NLGN4Y: variants seen among roughly 807,000 people sequenced by gnomAD.
NLGN4Y encodes the protein neuroligin-4, Y-linked.
A neutral mutation model predicts 8.4 loss-of-function variants in NLGN4Y; 4 were observed. The ratio of observed to expected loss-of-function variants is 0.48; its 90% CI spans 0.23 to 1.09. The LOEUF is 1.09. NLGN4Y is among the 50% of genes least tolerant of loss of function. The probability of loss-of-function intolerance (pLI) is 0.19; values close to 1 mark genes in which losing one functional copy is unlikely to be tolerated. For missense variants in NLGN4Y, 90 were observed against 192.3 expected (o/e 0.47, Z 3.15); for synonymous variants, 35 against 75.6 (o/e 0.46, Z 2.78).
At chrY:14,617,432 A>G (rs756413878) in intron 1 of NLGN4Y, among the ~76,000 whole-genome samples, 1 of 29,322 alleles carries the variant, frequency 3.4e-5, no homozygotes, top group Non-Finnish European at 8.0e-5. Context: ...GAGTATCACT[A>G]GGAGAGGCTG....
chrY:14,619,520 C>T, intron 1 of NLGN4Y, among the ~76,000 whole-genome samples: 1 of 33,847 alleles, frequency 3.0e-5, no homozygotes, highest in Admixed American at 2.7e-4. Context: ...AGGACTGTAG[C>T]GAACATGTCA....
intron 1 of NLGN4Y, among the ~76,000 whole-genome samples, chrY:14,527,490 C>A (rs2080097515): frequency 5.9e-5 from 2 of 33,691 alleles, no homozygotes; most frequent in Admixed American, 5.4e-4. Flanking sequence ...GTATTCTATT[C>A]CTAAATGGGA....
At chrY:14,612,984 G>T (rs886312208) in intron 1 of NLGN4Y, among the ~76,000 whole-genome samples, 11 of 33,021 alleles carry the variant, frequency 3.3e-4, no homozygotes, top group African/African-American at 1.3e-3. Context: ...TTTCAGAGAT[G>T]CCCTGCCCAG....
intron 2 of NLGN4Y, among the ~76,000 whole-genome samples, chrY:14,641,704 T>C (rs2080591534): frequency 3.0e-5 from 1 of 33,825 alleles, no homozygotes; most frequent in African/African-American, 1.2e-4. Flanking sequence ...TCTGCATTTC[T>C]GGTTCCTAAA....
At chrY:14,801,288 C>T in intron 4 of NLGN4Y, 1 of 31,841 alleles carries the variant, frequency 3.1e-5, no homozygotes, top group East Asian at 8.1e-4. Context: ...TTCTGCAAGG[C>T]TGGGAAGGCT....
chrY:14,823,441 C>T (rs2043130620), intron 4 of NLGN4Y, among the ~76,000 whole-genome samples: 1 of 33,455 alleles, frequency 3.0e-5, no homozygotes, highest in African/African-American at 1.2e-4. Flanking sequence ...TTGTTCCTTA[C>T]ATACAATTTC....
intron 1 of NLGN4Y, among the ~76,000 whole-genome samples, chrY:14,562,016 G>C (rs997225512): frequency 3.0e-5 from 1 of 33,241 alleles, no homozygotes; most frequent in Non-Finnish European, 7.4e-5. Flanking sequence ...CCATTCTCTA[G>C]GTTGGCTGTT....
At chrY:14,665,023 C>A (rs2080687586) in intron 2 of NLGN4Y, among the ~76,000 whole-genome samples, 1 of 33,364 alleles carries the variant, frequency 3.0e-5, no homozygotes, top group Non-Finnish European at 7.4e-5. Flanking sequence ...TACTTCAGAG[C>A]CATTTTAGTG....
At chrY:14,546,109 C>T in intron 1 of NLGN4Y, among the ~76,000 whole-genome samples, 1 of 31,864 alleles carries the variant, frequency 3.1e-5, no homozygotes, top group East Asian at 8.2e-4. Context: ...TTATTTCTGA[C>T]GGCTCTGTTC....
intron 5 of NLGN4Y, among the ~76,000 whole-genome samples, chrY:14,827,909 G>T: frequency 3.0e-5 from 1 of 33,314 alleles, no homozygotes; most frequent in Non-Finnish European, 7.4e-5. Flanking sequence ...TCATAGCAAA[G>T]AATGAAATGG....
intron 4 of NLGN4Y, among the ~76,000 whole-genome samples, chrY:14,740,420 TA>T (rs2081002785): frequency 3.0e-5 from 1 of 33,779 alleles, no homozygotes; most frequent in Non-Finnish European, 7.4e-5. Context: ...CATGTCTTCC[TA>T]GAACAAAGGC....
At chrY:14,677,514 T>C (rs1031718296) in intron 2 of NLGN4Y, among the ~76,000 whole-genome samples, 42 of 32,717 alleles carry the variant, frequency 1.3e-3, no homozygotes, top group African/African-American at 5.0e-3. Context: ...CCTTTCTACC[T>C]GCCTGGGAGC....
In NLGN4Y at chrY:14,643,314, G is replaced by A. The variant is rs1006301981; in HGVS notation, c.472+20723G>A. Among the ~76,000 whole-genome samples, 9 of 33,191 alleles carry A rather than the reference G, an allele frequency of 2.7e-4. No individual in the cohort carries two copies. In the South Asian group the frequency reaches 5.3e-3, roughly 19 times the overall value. 89.0% of individuals were successfully genotyped at this position (33,191 alleles called of 37,273 possible). A position where few individuals can be genotyped will look rare whatever the true frequency, so the allele number is the denominator to read the frequency against. ...GTCCCAAGGAAGAAAGAATGGCATGGGTGCTTCATGGACGAGACTAACTTG... is the reference window on the plus strand; with the variant it reads ...GTCCCAAGGAAGAAAGAATGGCATGAGTGCTTCATGGACGAGACTAACTTG... On this transcript the variant is annotated intron_variant, in intron 2 of 6. Transcript: ENST00000684976.
At chrY:14,682,894 A>C in intron 2 of NLGN4Y, among the ~76,000 whole-genome samples, 1 of 32,628 alleles carries the variant, frequency 3.1e-5, no homozygotes, top group Non-Finnish European at 7.5e-5. Flanking sequence ...GCTACTAGTT[A>C]GTCTGTGGCA....
intron 2 of NLGN4Y, among the ~76,000 whole-genome samples, chrY:14,673,945 C>T (rs2080735351): frequency 3.3e-5 from 1 of 30,508 alleles, no homozygotes; most frequent in African/African-American, 1.3e-4. Flanking sequence ...AACCAAACAC[C>T]GCATATGCAT....
intron 1 of NLGN4Y, among the ~76,000 whole-genome samples, chrY:14,573,512 G>A (rs757729274): frequency 3.7e-4 from 12 of 32,698 alleles, no homozygotes; most frequent in Admixed American, 2.8e-3. Context: ...TCTTGCTAAC[G>A]GTCTGTCAGT....
chrY:14,835,639 G>A, intron 6 of NLGN4Y, among the ~76,000 whole-genome samples: 1 of 26,574 alleles, frequency 3.8e-5, no homozygotes, highest in Non-Finnish European at 9.0e-5. Flanking sequence ...AGAGAGATTA[G>A]GGAGAGAGGC....
intron 1 of NLGN4Y, among the ~76,000 whole-genome samples, chrY:14,610,116 C>A: frequency 3.0e-5 from 1 of 33,157 alleles, no homozygotes; most frequent in Admixed American, 2.8e-4. Flanking sequence ...GTCTGGCTAG[C>A]AATACATCTA....
At chrY:14,538,883 G>A in intron 1 of NLGN4Y, among the ~76,000 whole-genome samples, 6 of 33,676 alleles carry the variant, frequency 1.8e-4, no homozygotes, top group African/African-American at 3.5e-4. Context: ...GATTACAGGC[G>A]TGAGCCACCG....
Sources: gnomAD v4.1 joint callset for allele counts (sites outside exome capture counted in the v4.1 genomes callset) on GRCh38, gnomAD v4.1.1 for gene constraint, MANE v1.5 for transcripts, NCBI Gene and HGNC (gene_info 2026-07-23, HGNC 2026-07-21) for gene names.